Variants in PRMT3 observed in about 807,000 individuals in gnomAD.
The protein encoded by PRMT3 is protein arginine methyltransferase 3.
In PRMT3, 62 loss-of-function variants were observed where a neutral mutation model predicts 71.9. The ratio of observed to expected loss-of-function variants is 0.86; its 90% CI spans 0.70 to 1.07. The LOEUF (loss-of-function observed/expected upper bound fraction) is 1.07. Among genes scored for constraint, PRMT3 ranks in the 50% least tolerant of loss-of-function variants. The pLI, the probability that PRMT3 is intolerant of heterozygous loss-of-function variation, is 0.00. For synonymous variants in PRMT3, 213 were observed against 220.4 expected (o/e 0.97, Z 0.30); for missense variants, 663 against 643.0 (o/e 1.03, Z -0.34).
chr11:20,457,276 C>G (rs1390878345), intron 11 of PRMT3, among the ~76,000 whole-genome samples: 1 of 152,172 alleles, frequency 6.6e-6, no homozygotes, highest in Non-Finnish European at 1.5e-5. Flanking sequence ...TCTCTTCCAA[C>G]AAGTACCGTT....
At chr11:20,389,585 CCCTT>C (rs1357864731) in intron 2 of PRMT3, among the ~76,000 whole-genome samples, 155 bp from the exon 3 acceptor site, 2 of 151,954 alleles carry the variant, frequency 1.3e-5, no homozygotes, top group African/African-American at 4.8e-5. Flanking sequence ...GTGCTGGATT[CCCTT>C]CCTTTCAGAT....
At chr11:20,414,533 A>G (rs1024926922) in intron 9 of PRMT3, among the ~76,000 whole-genome samples, 1 of 152,184 alleles carries the variant, frequency 6.6e-6, no homozygotes, top group Non-Finnish European at 1.5e-5. Flanking sequence ...AAAGCTATTC[A>G]GTTGCCAGAC....
chr11:20,388,165 C>G lies in PRMT3; in HGVS notation c.164+11C>G. 2 of 1,613,818 alleles carry G rather than the reference C, an allele frequency of 1.2e-6. No homozygotes were observed. Among genetic ancestry groups the G allele is most frequent in the Non-Finnish European group, 1.7e-6 (2 of 1,179,982 alleles). On this transcript the variant is annotated intron_variant, in intron 2 of 15. Coordinates refer to ENST00000331079, the MANE Select transcript of PRMT3 (RefSeq NM_005788.4). ...CCTGTTCTGTAACAGGTTCGTCCGC[C>G]TCAGCGCCTGGCCTCTGCCCTAGGG...
At chr11:20,404,221 T>TG (rs1565196779) in intron 8 of PRMT3, among the ~76,000 whole-genome samples, 164 of 7,894 alleles carry the variant, frequency 0.021, 5 homozygotes, top group African/African-American at 0.036. Flanking sequence ...GTTTTTTTTT[T>TG]TTTTTTTTTT....
chr11:20,460,754 C>A (rs1379711723), intron 11 of PRMT3, among the ~76,000 whole-genome samples: 2 of 152,084 alleles, frequency 1.3e-5, no homozygotes, highest in Non-Finnish European at 2.9e-5. Context: ...ATGGTTAGTA[C>A]CACAATCTGT....
At chr11:20,416,613 C>T (rs1427504916) in intron 9 of PRMT3, among the ~76,000 whole-genome samples, 1 of 152,150 alleles carries the variant, frequency 6.6e-6, no homozygotes, top group African/African-American at 2.4e-5. Context: ...AGCCTGCAAA[C>T]CCATTGTTTC....
chr11:20,480,509 C>T (rs1333020824), intron 13 of PRMT3, among the ~76,000 whole-genome samples: 1 of 152,038 alleles, frequency 6.6e-6, no homozygotes, highest in African/African-American at 2.4e-5. Context: ...TGGAAAGCAC[C>T]TTGTGCTATT....
At chr11:20,388,939 T>G (rs1741099083) in intron 2 of PRMT3, among the ~76,000 whole-genome samples, 1 of 152,208 alleles carries the variant, frequency 6.6e-6, no homozygotes, top group Non-Finnish European at 1.5e-5. Flanking sequence ...CTGGGCATGG[T>G]GCTGAGTGGT....
chr11:20,479,845 CAG>C (rs1164870709), intron 13 of PRMT3, among the ~76,000 whole-genome samples: 1 of 152,096 alleles, frequency 6.6e-6, no homozygotes, highest in African/African-American at 2.4e-5. Flanking sequence ...GATACACACA[CAG>C]AAATATGTTG....
chr11:20,493,910 A>T lies in PRMT3; in HGVS notation c.1348-9A>T, dbSNP rs1851269975. 1 of 1,561,338 alleles carries T rather than the reference A, an allele frequency of 6.4e-7. No homozygotes were observed. Among genetic ancestry groups the T allele is most frequent in the Non-Finnish European group, 8.8e-7 (1 of 1,141,240 alleles). ...AGTAAGCATTTATATTTCTTTTTTT[A>T]AAAAACAGGCAATTGCTGGCTACTT... On this transcript the variant is annotated splice_polypyrimidine_tract_variant and intron_variant, in intron 13 of 15. Transcript: ENST00000331079.
chr11:20,400,704 CT>C lies in PRMT3; in HGVS notation c.706-2209del, dbSNP rs751889613. Among the ~76,000 whole-genome samples the C allele has an allele frequency of 6.6e-5, 10 of 152,062 alleles. No individual in the cohort carries two copies. The East Asian group carries it at 1.4e-3, about 21-fold the overall frequency. ...TGTATGTAAAATTTGTAGTATATAA[CT>C]TTTTTCTTTACCTTCATTCTTTTTT... On this transcript the variant is annotated intron_variant, in intron 7 of 15. Coordinates refer to ENST00000331079, the MANE Select transcript of PRMT3 (RefSeq NM_005788.4).
intron 3 of PRMT3, among the ~76,000 whole-genome samples, chr11:20,392,008 A>C (rs1848725850): frequency 6.6e-6 from 1 of 152,194 alleles, no homozygotes; most frequent in South Asian, 2.1e-4. Context: ...AAAAGCTTTA[A>C]TTTGTCATTT....
chr11:20,426,783 A>G lies in PRMT3; in HGVS notation c.911A>G (p.Asp304Gly). ...MDIIRLNKLE[D>G]TITLIKGKIE... ...ATTTTCAGACTAAATAAACTTGAAG[A>G]TACTATTACACTAATTAAAGGAAAG... The change falls in exon 10 of 16, where the codon GAT becomes GGT. Residue 304 changes from aspartate (D) to glycine (G), a missense_variant. Physicochemically the swap from Asp to Gly is moderately conservative, Grantham distance 94. Transcript: ENST00000331079. 2 of 1,488,894 alleles carry G rather than the reference A, an allele frequency of 1.3e-6. No individual in the cohort carries two copies. Among genetic ancestry groups the G allele is most frequent in the South Asian group, 1.5e-5 (1 of 68,626 alleles). 92.2% of individuals were successfully genotyped at this position (1,488,894 alleles called of 1,614,324 possible).
rs1850892195 is a variant in PRMT3, at chr11:20,480,026, A to G, written c.1348-13893A>G. ...CATGGATGAATTTCATGAACAGTTG[A>G]TTTAAAAAGGGGGGAAAGGCTGGGC... On this transcript the variant is annotated intron_variant, in intron 13 of 15. Transcript: ENST00000331079. Among the ~76,000 whole-genome samples the G allele has an allele frequency of 4.6e-5, 7 of 152,236 alleles. No homozygotes were observed. The South Asian group carries it at 1.5e-3, about 32-fold the overall frequency.
At chr11:20,397,153 T>G (rs1362843189) in intron 6 of PRMT3, among the ~76,000 whole-genome samples, 5 of 152,188 alleles carry the variant, frequency 3.3e-5, no homozygotes, top group Non-Finnish European at 5.9e-5. Flanking sequence ...TGTAAATAAT[T>G]ATCTATTTGG....
At chr11:20,397,526 A>G (rs1565193594) in intron 6 of PRMT3, 51 bp from the exon 7 acceptor site, 1 of 1,591,114 alleles carries the variant, frequency 6.3e-7, no homozygotes, top group African/African-American at 1.3e-5. Flanking sequence ...CCTTTCCTTT[A>G]TTCATGGTCC....
intron 13 of PRMT3, among the ~76,000 whole-genome samples, chr11:20,492,926 G>A (rs900806057): frequency 7.2e-5 from 11 of 152,204 alleles, no homozygotes; most frequent in African/African-American, 1.7e-4. Flanking sequence ...GTGTGGTGGC[G>A]CACGCCTGTA....
intron 2 of PRMT3, among the ~76,000 whole-genome samples, chr11:20,388,951 G>A (rs1848654707): frequency 6.6e-6 from 1 of 152,184 alleles, no homozygotes. Flanking sequence ...CTGAGTGGTG[G>A]TGCGTTAGTG....
At chr11:20,414,976 T>C (rs1437100511) in intron 9 of PRMT3, among the ~76,000 whole-genome samples, 1 of 151,700 alleles carries the variant, frequency 6.6e-6, no homozygotes, top group African/African-American at 2.4e-5. Context: ...AAAAGTGAAG[T>C]ATCTTAAGGT....
Sources: gnomAD v4.1 joint callset for allele counts (sites outside exome capture counted in the v4.1 genomes callset) on GRCh38, gnomAD v4.1.1 for gene constraint, MANE v1.5 for transcripts, NCBI Gene and HGNC (gene_info 2026-07-23, HGNC 2026-07-21) for gene names.